Variants in OMA1 observed in about 807,000 individuals in gnomAD.
OMA1 encodes metalloendopeptidase OMA1, mitochondrial.
In OMA1, 38 loss-of-function variants were observed where a neutral mutation model predicts 30.9. That is an observed-to-expected ratio of 1.23 (90% CI 0.95 to 1.61). The LOEUF is 1.61. OMA1 is among the 40% of genes most tolerant of loss of function. The pLI, the probability that OMA1 is intolerant of heterozygous loss-of-function variation, is 0.00. For synonymous variants in OMA1, 173 were observed against 121.9 expected, an observed-to-expected ratio of 1.42 and a Z score of -2.76; for missense variants, 461 against 349.2, an observed-to-expected ratio of 1.32 and a Z score of -2.55.
intron 6 of OMA1, among the ~76,000 whole-genome samples, chr1:58,529,729 C>A (rs970719347): frequency 6.6e-6 from 1 of 151,586 alleles, no homozygotes; most frequent in Admixed American, 6.6e-5. Flanking sequence ...AAAATATCTA[C>A]GAAAAAACAA....
At chr1:58,497,531 C>T (rs777235946) in intron 8 of OMA1, among the ~76,000 whole-genome samples, 7 of 152,120 alleles carry the variant, frequency 4.6e-5, no homozygotes, top group Non-Finnish European at 7.4e-5. Flanking sequence ...ACTATGCCAC[C>T]CCAAATATGC....
chr1:58,543,155 C>T (rs1211796083), intron 1 of OMA1, among the ~76,000 whole-genome samples: 14 of 152,160 alleles, frequency 9.2e-5, no homozygotes, highest in Admixed American at 9.2e-4. Context: ...TGAGCTTTTA[C>T]TTTATCCCCA....
intron 7 of OMA1, among the ~76,000 whole-genome samples, chr1:58,524,418 C>T (rs1646317468): frequency 6.6e-6 from 1 of 152,182 alleles, no homozygotes; most frequent in South Asian, 2.1e-4. Flanking sequence ...GATCTTTCAT[C>T]TTCCTTTTAA....
intron 7 of OMA1, 35 bp downstream of exon 7, chr1:58,527,226 G>A (rs1646366122): frequency 1.2e-6 from 1 of 863,570 alleles, no homozygotes; most frequent in Non-Finnish European, 2.0e-6. Context: ...AGCCTGGGAA[G>A]GGCATTATGT....
chr1:58,539,494 C>A (rs1045232143), intron 1 of OMA1, among the ~76,000 whole-genome samples, 184 bp from the exon 2 acceptor site: 11 of 152,188 alleles, frequency 7.2e-5, no homozygotes, highest in African/African-American at 2.7e-4. Flanking sequence ...AGTATATATA[C>A]CACGATATTT....
Position 58,481,819 on chromosome 1 carries a change from T to C in OMA1, c.1366-645A>G, listed in dbSNP as rs147221212. The stretch of plus-strand genomic sequence containing the variant: ...GGCAGTTCCCCCTGCATATGCTCTC[T>C]TGACTGCCGCCATGTAAGACATGAC... On this transcript the variant is annotated intron_variant, in intron 8 of 8. Coordinates refer to ENST00000371226, the MANE Select transcript of OMA1 (RefSeq NM_145243.5). Among the ~76,000 whole-genome samples, 18 of 152,320 alleles carry C rather than the reference T, an allele frequency of 1.2e-4. No individual in the cohort carries two copies. The East Asian group carries it at 3.3e-3, about 28-fold the overall frequency.
rs1437797195 is a variant in OMA1, at chr1:58,536,534, T to C, written c.708A>G (p.Leu236=). ...LLLGKEQFRL[L]SELEYEAWME... ...TTACTGCTTCATATTCCAGTTCCGATAAAAGTCTGAACTGTTCTTTCCCCA... is the reference window on the plus strand; with the variant it reads ...TTACTGCTTCATATTCCAGTTCCGACAAAAGTCTGAACTGTTCTTTCCCCA... The change falls in exon 3 of 9, where the codon TTA becomes TTG. Residue 236 remains leucine (L), a synonymous_variant. Transcript: ENST00000371226. 2 of 872,630 alleles carry C rather than the reference T, an allele frequency of 2.3e-6. No homozygotes were observed. The highest frequency in any genetic ancestry group is 1.3e-5 in the South Asian group (1 of 76,506). 54.1% of individuals were successfully genotyped at this position (872,630 alleles called of 1,614,324 possible). A position where few individuals can be genotyped will look rare whatever the true frequency, so the allele number is the denominator to read the frequency against.
chr1:58,496,605 T>C (rs1645806884), intron 8 of OMA1, among the ~76,000 whole-genome samples: 1 of 152,158 alleles, frequency 6.6e-6, no homozygotes, highest in Non-Finnish European at 1.5e-5. Context: ...TACATGAGGG[T>C]CCTTGTGGAG....
chr1:58,531,872 C>A (rs1210640392), intron 5 of OMA1, among the ~76,000 whole-genome samples: 1 of 152,018 alleles, frequency 6.6e-6, no homozygotes, highest in Non-Finnish European at 1.5e-5. Flanking sequence ...CCATGCTCAG[C>A]TATTTTTTGT....
intron 8 of OMA1, among the ~76,000 whole-genome samples, chr1:58,494,463 C>T (rs1645757720): frequency 6.6e-6 from 1 of 152,020 alleles, no homozygotes; most frequent in African/African-American, 2.4e-5. Context: ...AAAGAAACTA[C>T]CATCAGAGTG....
chr1:58,499,513 G>GATAGATAGATAA (rs1244891948), intron 8 of OMA1, among the ~76,000 whole-genome samples: 13 of 149,396 alleles, frequency 8.7e-5, no homozygotes, highest in East Asian at 5.9e-4. Flanking sequence ...TAGATAAATA[G>GATAGATAGATAA]ATAGATAGAT....
intron 6 of OMA1, 120 bp from the exon 7 acceptor site, chr1:58,527,455 TCTA>T (rs1646370608): frequency 1.6e-6 from 1 of 612,706 alleles, no homozygotes; most frequent in East Asian, 2.7e-5. Context: ...TCCTATACTG[TCTA>T]CTAACATTAA....
intron 8 of OMA1, among the ~76,000 whole-genome samples, chr1:58,486,809 A>G (rs982227726): frequency 1.3e-5 from 2 of 152,184 alleles, no homozygotes; most frequent in Admixed American, 6.5e-5. Flanking sequence ...AGACAGAGAA[A>G]TCAGCAAGTA....
chr1:58,492,332 C>A (rs540164080), intron 8 of OMA1, among the ~76,000 whole-genome samples: 7 of 152,168 alleles, frequency 4.6e-5, no homozygotes, highest in East Asian at 3.9e-4. Flanking sequence ...AAAATTGACA[C>A]CCTAACATCA....
chr1:58,497,275 G>C (rs961238538), intron 8 of OMA1, among the ~76,000 whole-genome samples: 3 of 152,084 alleles, frequency 2.0e-5, no homozygotes, highest in African/African-American at 7.2e-5. Flanking sequence ...AGGACTTTAG[G>C]GACGTAAGGA....
At chr1:58,518,473 G>C (rs911788581) in intron 7 of OMA1, among the ~76,000 whole-genome samples, 4 of 151,796 alleles carry the variant, frequency 2.6e-5, no homozygotes, top group Non-Finnish European at 4.4e-5. Flanking sequence ...AGGGGAGTAG[G>C]ACTGGAGTCA....
At chr1:58,542,931 C>T (rs1418587452) in intron 1 of OMA1, among the ~76,000 whole-genome samples, 3 of 151,716 alleles carry the variant, frequency 2.0e-5, no homozygotes, top group African/African-American at 4.8e-5. Context: ...GGGTCTACAG[C>T]GGGTGCTATG....
chr1:58,533,304 C>G (rs777931824), intron 5 of OMA1, among the ~76,000 whole-genome samples: 1 of 152,174 alleles, frequency 6.6e-6, no homozygotes, highest in Admixed American at 6.5e-5. Flanking sequence ...AGAAGACCCA[C>G]GTTAAAGTCC....
At chr1:58,484,361 C>T (rs1226611572) in intron 8 of OMA1, among the ~76,000 whole-genome samples, 3 of 152,168 alleles carry the variant, frequency 2.0e-5, no homozygotes, top group Non-Finnish European at 4.4e-5. Flanking sequence ...AAAGAGTAAG[C>T]ACAGGTAGAT....
Sources: allele counts gnomAD v4.1 joint callset (sites outside exome capture counted in the v4.1 genomes callset), GRCh38; gene constraint gnomAD v4.1.1; transcripts MANE v1.5; gene names NCBI Gene and HGNC (gene_info 2026-07-23, HGNC 2026-07-21).